PLAAT3: variants seen among roughly 807,000 people sequenced by gnomAD.
PLAAT3 encodes the protein phospholipase A and acyltransferase 3, also known as Ca-independent phospholipase A1/2.
Under a neutral mutation model 16.7 loss-of-function variants are expected in PLAAT3, and 21 were observed. The ratio of observed to expected loss-of-function variants is 1.26; its 90% CI spans 0.89 to 1.81. The LOEUF (loss-of-function observed/expected upper bound fraction) is 1.81, where lower values mean the gene tolerates loss of function less well. PLAAT3 is among the 40% of genes most tolerant of loss of function. PLAAT3 has a pLI of 0.00. For missense variants in PLAAT3, 219 were observed against 213.7 expected (o/e 1.02, Z -0.16); for synonymous variants, 76 against 81.7 (o/e 0.93, Z 0.38).
chr11:63,614,394 T>G lies in PLAAT3; in HGVS notation c.-64A>C, dbSNP rs987267462. On this transcript the variant is annotated 5_prime_UTR_variant, in exon 1 of 5. Transcript: ENST00000415826. ...GACCCGATCCACCCACCTCGCGGTC[T>G]CGGAGGCAGCGCTGCAGCCCCAGCA... 10 of 238,318 alleles carry G rather than the reference T, an allele frequency of 4.2e-5. No individual in the cohort carries two copies. Among genetic ancestry groups the G allele is most frequent in the Non-Finnish European group, 6.5e-5 (8 of 122,638 alleles). The allele number at this position is 238,318 out of a possible 1,614,324, so 14.8% of individuals were successfully genotyped here. A position where few individuals can be genotyped will look rare whatever the true frequency, so the allele number is the denominator to read the frequency against.
In PLAAT3 at chr11:63,579,257, A is replaced by AT. The variant is rs1395478647; in HGVS notation, c.388-4212_388-4211insA. Among the ~76,000 whole-genome samples the AT allele has an allele frequency of 5.3e-5, 8 of 152,206 alleles. No individual in the cohort carries two copies. In the South Asian group the frequency reaches 1.7e-3, roughly 32 times the overall value. On this transcript the variant is annotated intron_variant, in intron 4 of 4. Coordinates refer to ENST00000415826, the MANE Select transcript of PLAAT3 (RefSeq NM_001128203.2). ...GGAGAGGATATGGAGAAATAGGAACACTTTTACACTGTTGGTGGGACTGTA... is the reference window on the plus strand; with the variant it reads ...GGAGAGGATATGGAGAAATAGGAACATCTTTTACACTGTTGGTGGGACTGTA...
At chr11:63,587,066 G>A (rs985444622) in intron 4 of PLAAT3, among the ~76,000 whole-genome samples, 1 of 152,098 alleles carries the variant, frequency 6.6e-6, no homozygotes, top group Non-Finnish European at 1.5e-5. Flanking sequence ...CCTGGGTGAC[G>A]AAACAAGACT....
At chr11:63,589,409 CAAAGAAAAA>C (rs1249597607) in intron 4 of PLAAT3, among the ~76,000 whole-genome samples, 1 of 30,750 alleles carries the variant, frequency 3.3e-5, no homozygotes, top group African/African-American at 9.8e-5. Flanking sequence ...TTCACCTATG[CAAAGAAAAA>C]AAAAAAAAAA....
rs570636969 is a variant in PLAAT3, at chr11:63,587,943, G to A, written c.387+2157C>T. 1.4e-4 allele frequency among the ~76,000 whole-genome samples: 21 copies of A among 152,312 alleles called. No homozygotes were observed. In the South Asian group the frequency reaches 3.7e-3, roughly 27 times the overall value. ...CAAGAGACAAATGTGGCCGGGCACA[G>A]TGGCTTATGCCTGTAATCCTAGCAC... is the stretch of plus-strand genomic sequence containing the variant. On this transcript the variant is annotated intron_variant, in intron 4 of 4. Transcript: ENST00000415826.
intron 3 of PLAAT3, 74 bp from the exon 4 acceptor site, chr11:63,590,442 C>A: frequency 2.9e-6 from 4 of 1,379,002 alleles, no homozygotes; most frequent in Non-Finnish European, 4.0e-6. Flanking sequence ...TGGCCCCCAG[C>A]CGGGCATCTG....
rs373632324 is a variant in PLAAT3, at chr11:63,590,148, G to C, written c.339C>G (p.Cys113Trp). ...AGCGCAGCTCATTCACAAAGTGCTC[G>C]CAGTTCTCACTGGTCAGCTTGTAGA... ...EVLYKLTSEN[C>W]EHFVNELRYG... Residue 113 changes from cysteine to tryptophan, a missense_variant, in exon 4 of 5, where the codon TGC becomes TGG. Physicochemically the swap from Cys to Trp is radical, Grantham distance 215. Coordinates refer to ENST00000415826, the MANE Select transcript of PLAAT3 (RefSeq NM_001128203.2). 1.9e-6 allele frequency: 3 copies of C among 1,614,060 alleles called. No individual in the cohort carries two copies. Among genetic ancestry groups the C allele is most frequent in the African/African-American group, 2.7e-5 (2 of 74,934 alleles).
chr11:63,596,726 T>C (rs1362826383), intron 3 of PLAAT3, among the ~76,000 whole-genome samples: 2 of 151,556 alleles, frequency 1.3e-5, no homozygotes, highest in Admixed American at 1.3e-4. Flanking sequence ...ATATGGGAGG[T>C]GACTGAATCA....
intron 4 of PLAAT3, among the ~76,000 whole-genome samples, chr11:63,582,112 G>C (rs570838321): frequency 1.3e-5 from 2 of 152,272 alleles, no homozygotes; most frequent in East Asian, 3.9e-4. Context: ...ATCCAGATTG[G>C]AGCATTGTGA....
At position 63,590,126 on chromosome 11, in the gene PLAAT3, G is replaced by A. The variant is rs201116662; in HGVS notation, c.361C>T (p.Arg121Cys). 6.0e-5 allele frequency: 97 copies of A among 1,614,154 alleles called. No individual in the cohort carries two copies. The highest frequency in any genetic ancestry group is 5.0e-4 in the Middle Eastern group (3 of 6,040). The change falls in exon 4 of 5, where the codon CGC becomes TGC. Residue 121 changes from arginine (R) to cysteine (C), a missense_variant. Coordinates refer to ENST00000415826, the MANE Select transcript of PLAAT3 (RefSeq NM_001128203.2). Reference sequence around the variant, plus strand: ...TGGTCACTGCGGGCGACTCCATAGCGCAGCTCATTCACAAAGTGCTCGCAG... The same window carrying A: ...TGGTCACTGCGGGCGACTCCATAGCACAGCTCATTCACAAAGTGCTCGCAG... ...ENCEHFVNEL[R>C]YGVARSDQVR...
At position 63,614,031 on chromosome 11, in the gene PLAAT3, G is replaced by C. The variant is rs1483193895; in HGVS notation, c.-17C>G. 3 of 1,612,984 alleles carry C rather than the reference G, an allele frequency of 1.9e-6. No homozygotes were observed. The highest frequency in any genetic ancestry group is 2.5e-6 in the Non-Finnish European group (3 of 1,179,202). ...CGCACGCATCTTCCCTCGCGGTGTG[G>C]ACCCTCAAGGCCAGGCTCGATTTCG... On this transcript the variant is annotated 5_prime_UTR_variant, in exon 2 of 5. Transcript: ENST00000415826.
intron 2 of PLAAT3, among the ~76,000 whole-genome samples, chr11:63,602,880 G>T (rs571208901): frequency 6.6e-6 from 1 of 152,258 alleles, no homozygotes; most frequent in East Asian, 1.9e-4. Flanking sequence ...ATCACTTGAG[G>T]TCAGGAGTTC....
intron 3 of PLAAT3, 120 bp from the exon 4 acceptor site, chr11:63,590,488 G>A: frequency 1.3e-6 from 1 of 798,902 alleles, no homozygotes; most frequent in Admixed American, 2.3e-5. Context: ...GCAACAAGTG[G>A]AAGGGTCAGA....
chr11:63,606,115 C>T (rs1938551721), intron 2 of PLAAT3, among the ~76,000 whole-genome samples: 1 of 152,090 alleles, frequency 6.6e-6, no homozygotes, highest in East Asian at 1.9e-4. Context: ...GTGTAAGCGG[C>T]CAACGACACC....
intron 3 of PLAAT3, among the ~76,000 whole-genome samples, chr11:63,593,479 A>T (rs1938202841): frequency 1.3e-5 from 2 of 152,246 alleles, no homozygotes; most frequent in Non-Finnish European, 2.9e-5. Context: ...AGGGGAGAAG[A>T]GAAAGACGAG....
intron 2 of PLAAT3, among the ~76,000 whole-genome samples, chr11:63,604,273 A>G (rs1433826349): frequency 1.3e-5 from 2 of 152,130 alleles, no homozygotes; most frequent in Non-Finnish European, 1.5e-5. Flanking sequence ...GAACTTTTAT[A>G]TTTCATGTTA....
At chr11:63,613,902 C>A in intron 2 of PLAAT3, 98 bp downstream of exon 2, 3 of 765,358 alleles carry the variant, frequency 3.9e-6, no homozygotes, top group Non-Finnish European at 6.7e-6. Context: ...ATCCTCGAGG[C>A]TCCTCTCTCG....
Position 63,597,941 on chromosome 11 carries a change from G to A in PLAAT3, c.118+120C>T. On this transcript the variant is annotated intron_variant, in intron 3 of 4. Coordinates refer to ENST00000415826, the MANE Select transcript of PLAAT3 (RefSeq NM_001128203.2). Reference sequence around the variant, plus strand: ...CATATCAAACTTCTTGTAACATTCAGAGACAACTGCCAGTTGGGAAGCAAG... The same window carrying A: ...CATATCAAACTTCTTGTAACATTCAAAGACAACTGCCAGTTGGGAAGCAAG... The A allele has an allele frequency of 1.1e-5, 8 of 699,900 alleles. No individual in the cohort carries two copies. The South Asian group carries it at 1.4e-4, about 12-fold the overall frequency. The allele number at this position is 699,900 out of a possible 1,614,324, so 43.4% of individuals were successfully genotyped here. A position where few individuals can be genotyped will look rare whatever the true frequency, so the allele number is the denominator to read the frequency against.
intron 2 of PLAAT3, among the ~76,000 whole-genome samples, chr11:63,612,679 T>A (rs187155143): frequency 6.6e-6 from 1 of 152,256 alleles, no homozygotes; most frequent in Non-Finnish European, 1.5e-5. Flanking sequence ...TCATCTCTGA[T>A]ACCATCCTAC....
intron 2 of PLAAT3, among the ~76,000 whole-genome samples, chr11:63,609,951 G>A (rs1385666099): frequency 1.3e-5 from 2 of 152,142 alleles, no homozygotes; most frequent in Non-Finnish European, 2.9e-5. Context: ...GCACTACTGG[G>A]GGTTTTCACC....
Sources: gnomAD v4.1 joint callset for allele counts (sites outside exome capture counted in the v4.1 genomes callset) on GRCh38, gnomAD v4.1.1 for gene constraint, MANE v1.5 for transcripts, NCBI Gene and HGNC (gene_info 2026-07-23, HGNC 2026-07-21) for gene names.